ZHX2: variants seen among roughly 807,000 people sequenced by gnomAD.
The protein encoded by ZHX2 is zinc fingers and homeoboxes 2, also known as zinc fingers and homeoboxes protein 2.
A neutral mutation model predicts 21.9 loss-of-function variants in ZHX2; 6 were observed. That is an observed-to-expected ratio of 0.27 (90% CI 0.15 to 0.54). The LOEUF is 0.54. Ranked by LOEUF, ZHX2 falls within the 20% of genes least tolerant of loss-of-function variation. The pLI, the probability that ZHX2 is intolerant of heterozygous loss-of-function variation, is 0.95. For missense variants in ZHX2, 908 were observed against 1,090.7 expected (o/e 0.83, Z 2.36); for synonymous variants, 434 against 437.1 (o/e 0.99, Z 0.09).
At chr8:122,814,431 C>A (rs368058143) in intron 1 of ZHX2, among the ~76,000 whole-genome samples, 1 of 152,198 alleles carries the variant, frequency 6.6e-6, no homozygotes, top group African/African-American at 2.4e-5. Flanking sequence ...ATTTTTCTCT[C>A]TTCCATTTCA....
At chr8:122,788,337 C>A (rs1173740714) in intron 1 of ZHX2, among the ~76,000 whole-genome samples, 1 of 152,150 alleles carries the variant, frequency 6.6e-6, no homozygotes, top group East Asian at 1.9e-4. Context: ...GCAGGTGGAT[C>A]GCTTGAGCTC....
intron 2 of ZHX2, among the ~76,000 whole-genome samples, chr8:122,933,891 C>T (rs1812611483): frequency 6.6e-6 from 1 of 152,176 alleles, no homozygotes; most frequent in Non-Finnish European, 1.5e-5. Context: ...ACATCTAGGT[C>T]TGGGCACAAT....
intron 3 of ZHX2, among the ~76,000 whole-genome samples, chr8:122,967,682 A>T (rs768418603): frequency 4.6e-5 from 7 of 152,224 alleles, no homozygotes; most frequent in Non-Finnish European, 8.8e-5. Context: ...GTTAGCCAGG[A>T]TGTTGCAGGC....
rs370753355 is a variant in ZHX2 at position 122,952,670 on chromosome 8, C to T, written c.1160C>T (p.Thr387Ile). Residue 387 changes from threonine (T) to isoleucine (I), a missense_variant, in exon 3 of 4, where the codon ACC becomes ATC. Thr to Ile is a moderately conservative substitution (Grantham distance 89). Transcript: ENST00000314393. This position sits in a 1 kb window ranked among gnomAD's most constrained non-coding sequence, Gnocchi z 6.9. ...VLTQVTSGST[T>I]VSCSPITLAV... is the part of the protein sequence containing the mutation. ...ACTCAGGTGACCAGCGGGTCAACAACCGTCTCTTGCTCCCCCATCACACTT... is the reference window on the plus strand; with the variant it reads ...ACTCAGGTGACCAGCGGGTCAACAATCGTCTCTTGCTCCCCCATCACACTT... 1.9e-6 allele frequency: 3 copies of T among 1,614,082 alleles called. No individual in the cohort carries two copies. The highest frequency in any genetic ancestry group is 2.5e-6 in the Non-Finnish European group (3 of 1,180,040).
intron 2 of ZHX2, among the ~76,000 whole-genome samples, chr8:122,880,138 A>AT (rs527861793): frequency 4.0e-5 from 6 of 151,418 alleles, no homozygotes; most frequent in Non-Finnish European, 4.4e-5. Context: ...AACCTGGCTA[A>AT]TTTTTTTGTA....
chr8:122,856,981 G>GC (rs1819040609), intron 1 of ZHX2, among the ~76,000 whole-genome samples: 1 of 151,828 alleles, frequency 6.6e-6, no homozygotes, highest in Non-Finnish European at 1.5e-5. Flanking sequence ...GGCCTTCTCG[G>GC]CTCCAGCCAC....
At chr8:122,885,922 T>A (rs886448015) in intron 2 of ZHX2, among the ~76,000 whole-genome samples, 15 of 152,182 alleles carry the variant, frequency 9.9e-5, no homozygotes, top group African/African-American at 3.4e-4. Flanking sequence ...AGACCTTTCT[T>A]CCTCTATATG....
At chr8:122,850,216 AC>A (rs923677973) in intron 1 of ZHX2, among the ~76,000 whole-genome samples, 2 of 151,700 alleles carry the variant, frequency 1.3e-5, no homozygotes, top group East Asian at 3.9e-4. Flanking sequence ...CCCGTGTCGC[AC>A]CCCCCCTCAG....
intron 1 of ZHX2, among the ~76,000 whole-genome samples, chr8:122,797,832 A>G (rs1159151423): frequency 6.6e-6 from 1 of 152,218 alleles, no homozygotes; most frequent in Non-Finnish European, 1.5e-5. Flanking sequence ...TTAACATTTA[A>G]TGAGCCTCTA....
intron 2 of ZHX2, among the ~76,000 whole-genome samples, chr8:122,892,734 G>A (rs57211054): frequency 0.036 from 5,482 of 152,074 alleles, 323 homozygotes; most frequent in African/African-American, 0.13. Context: ...GCCTGGGCTG[G>A]AGTGCAAAGG....
At chr8:122,816,079 CAAAAAAAAA>C (rs71310626) in intron 1 of ZHX2, among the ~76,000 whole-genome samples, 3 of 90,280 alleles carry the variant, frequency 3.3e-5, no homozygotes, top group Non-Finnish European at 6.3e-5. Context: ...GACTCCGTCT[CAAAAAAAAA>C]AAAAAAAAAA....
chr8:122,953,184 A>T lies in ZHX2; in HGVS notation c.1674A>T (p.Glu558Asp). Reference protein sequence around the residue: ...FLKSSFPTQAELDRLRVETKL... With the variant: ...FLKSSFPTQADLDRLRVETKL... ...AAAGTTCTTTTCCTACCCAAGCAGA[A>T]CTGGATCGGCTAAGGGTGGAGACCA... The change falls in exon 3 of 4, where the codon GAA (glutamate) becomes GAT (aspartate). Residue 558 changes from glutamate to aspartate, a missense_variant. Glu to Asp is a conservative substitution (Grantham distance 45). Around this residue, in one of 4 missense-constraint regions of ZHX2, gnomAD observed 431 missense variants for 428.6 expected, o/e 1.01. Transcript: ENST00000314393. This position sits in a 1 kb window ranked among gnomAD's most constrained non-coding sequence, Gnocchi z 4.6. 1 of 1,613,794 alleles carries T rather than the reference A, an allele frequency of 6.2e-7. No individual in the cohort carries two copies. Among genetic ancestry groups the T allele is most frequent in the Non-Finnish European group, 8.5e-7 (1 of 1,179,980 alleles).
intron 3 of ZHX2, among the ~76,000 whole-genome samples, chr8:122,971,261 G>A (rs1326438135): frequency 1.3e-5 from 2 of 150,746 alleles, no homozygotes. Context: ...CCTGGCCTAA[G>A]AGAAAGCACT....
At chr8:122,801,696 A>C (rs1817723398) in intron 1 of ZHX2, among the ~76,000 whole-genome samples, 1 of 152,152 alleles carries the variant, frequency 6.6e-6, no homozygotes, top group Non-Finnish European at 1.5e-5. Flanking sequence ...GGCTGCAGTG[A>C]ACCATGATTG....
intron 1 of ZHX2, among the ~76,000 whole-genome samples, chr8:122,835,827 T>C (rs1015642857): frequency 1.3e-5 from 2 of 152,204 alleles, no homozygotes; most frequent in Non-Finnish European, 2.9e-5. Flanking sequence ...AATAATTGCT[T>C]AAGTCAGTTA....
chr8:122,909,184 A>T (rs1361346161), intron 2 of ZHX2, among the ~76,000 whole-genome samples: 1 of 152,160 alleles, frequency 6.6e-6, no homozygotes, highest in African/African-American at 2.4e-5. Flanking sequence ...TAATCCCAGC[A>T]GTTTGGGAGA....
intron 2 of ZHX2, among the ~76,000 whole-genome samples, chr8:122,873,257 G>A (rs1819487880): frequency 6.6e-6 from 1 of 152,258 alleles, no homozygotes; most frequent in Non-Finnish European, 1.5e-5. Context: ...CCTGGAGCTG[G>A]CCTTTGTGGC....
Position 122,867,713 on chromosome 8 carries a change from T to C in ZHX2, c.-220+4174T>C, listed in dbSNP as rs1420362920. On this transcript the variant is annotated intron_variant, in intron 2 of 3. Transcript: ENST00000314393. ...GAAATAATACATCTCACAGGGTTATTTGGGAGAGTAAATGAGATAAAATGT... is the reference window on the plus strand; with the variant it reads ...GAAATAATACATCTCACAGGGTTATCTGGGAGAGTAAATGAGATAAAATGT... Among the ~76,000 whole-genome samples, 5 of 152,180 alleles carry C rather than the reference T, an allele frequency of 3.3e-5. No individual in the cohort carries two copies. In the South Asian group the frequency reaches 6.2e-4, roughly 19 times the overall value.
At chr8:122,833,996 C>CAA (rs71310629) in intron 1 of ZHX2, among the ~76,000 whole-genome samples, 73 of 141,344 alleles carry the variant, frequency 5.2e-4, no homozygotes, top group East Asian at 1.4e-3. Flanking sequence ...GACTCCGTCT[C>CAA]AAAAAAAAAA....
Sources: allele counts gnomAD v4.1 joint callset (sites outside exome capture counted in the v4.1 genomes callset), GRCh38; gene constraint gnomAD v4.1.1; regional missense constraint gnomAD v4.1.1; non-coding constraint Gnocchi (gnomAD v3.1); transcripts MANE v1.5; gene names NCBI Gene and HGNC (gene_info 2026-07-23, HGNC 2026-07-21).